The following PRKAA1 variants were observed in gnomAD, a reference collection of about 807,000 sequenced individuals.
The protein encoded by PRKAA1 is 5'-AMP-activated protein kinase catalytic subunit alpha-1.
A neutral mutation model predicts 56.9 loss-of-function variants in PRKAA1; 23 were observed. The observed-to-expected ratio is 0.40, with a 90% confidence interval of 0.29 to 0.57. PRKAA1 has a LOEUF of 0.57. Among genes scored for constraint, PRKAA1 ranks in the 20% least tolerant of loss-of-function variants. The pLI is 0.39. For synonymous variants in PRKAA1, 226 were observed against 227.0 expected (o/e 1.00, Z 0.04); for missense variants, 413 against 679.7 (o/e 0.61, Z 4.36).
intron 1 of PRKAA1, among the ~76,000 whole-genome samples, chr5:40,785,837 CACAGAGAGAGAGAGAGAGAG>C (rs1480470721): frequency 7.2e-4 from 38 of 52,450 alleles, no homozygotes; most frequent in Admixed American, 5.6e-3. Flanking sequence ...CACACACACA[CACAGAGAGAGAGAGAGAGAG>C]AGAGAGAGAG....
intron 1 of PRKAA1, among the ~76,000 whole-genome samples, chr5:40,788,771 G>A (rs1744600023): frequency 6.6e-6 from 1 of 152,072 alleles, no homozygotes; most frequent in Non-Finnish European, 1.5e-5. Flanking sequence ...ACGCTGCAGT[G>A]AGCCAAGATC....
intron 1 of PRKAA1, among the ~76,000 whole-genome samples, chr5:40,797,686 G>C (rs1330340056): frequency 6.6e-5 from 10 of 152,242 alleles, no homozygotes; most frequent in Admixed American, 5.9e-4. Context: ...GCACAACCCG[G>C]GCGCACAAGA....
intron 4 of PRKAA1, among the ~76,000 whole-genome samples, chr5:40,770,448 G>GA: frequency 6.6e-6 from 1 of 151,960 alleles, no homozygotes; most frequent in South Asian, 2.1e-4. Flanking sequence ...GTGACAGAGT[G>GA]AAACTCTGTC....
intron 3 of PRKAA1, among the ~76,000 whole-genome samples, chr5:40,772,885 A>C (rs554539747): frequency 6.6e-6 from 1 of 152,282 alleles, no homozygotes; most frequent in East Asian, 1.9e-4. Context: ...CTACCGCTTC[A>C]GCATCCCAAA....
In PRKAA1 at chr5:40,765,032, C is replaced by A; in HGVS notation, c.1028G>T (p.Arg343Ile). 6.2e-7 allele frequency: 1 copy of A among 1,614,174 alleles called. No individual in the cohort carries two copies. Among genetic ancestry groups the A allele is most frequent in the African/African-American group, 1.3e-5 (1 of 75,042 alleles). The change falls in exon 7 of 9, where the codon AGA becomes ATA. Residue 343 changes from arginine (R) to isoleucine (I), a missense_variant. Transcript: ENST00000397128. Reference sequence around the variant, plus strand: ...GAAATCTTTGGCTTCATTCATTATTCTCCTGTTATCTATTATGAGATGGTA... The same window carrying A: ...GAAATCTTTGGCTTCATTCATTATTATCCTGTTATCTATTATGAGATGGTA... ...VAYHLIIDNRRIMNEAKDFYL... is the reference protein window; with the variant it reads ...VAYHLIIDNRIIMNEAKDFYL...
intron 1 of PRKAA1, 118 bp from the exon 2 acceptor site, chr5:40,777,704 C>A (rs1269671920): frequency 1.5e-5 from 14 of 932,590 alleles, no homozygotes; most frequent in Admixed American, 1.2e-4. Context: ...GAGGCCGAGG[C>A]GAGTAGATCA....
rs1189090656 is a variant in PRKAA1 at position 40,768,479 on chromosome 5, C to A, written c.597-789G>T. ...TTATTCCTAAAAGAATTAAGATAGA[C>A]AACACCATTTTTTTAAAAATTTTTT... is the stretch of plus-strand genomic sequence containing the variant. On this transcript the variant is annotated intron_variant, in intron 5 of 8. Coordinates refer to ENST00000397128, the MANE Select transcript of PRKAA1 (RefSeq NM_006251.6). The A allele has an allele frequency of 5.4e-6, 5 of 928,504 alleles. No homozygotes were observed. The Admixed American group carries it at 3.1e-4, about 57-fold the overall frequency. 57.5% of individuals were successfully genotyped at this position (928,504 alleles called of 1,614,324 possible).
At chr5:40,783,745 C>T (rs555938694) in intron 1 of PRKAA1, among the ~76,000 whole-genome samples, 2 of 151,354 alleles carry the variant, frequency 1.3e-5, no homozygotes, top group East Asian at 1.9e-4. Flanking sequence ...GGCAACAGAG[C>T]GAGACTCCAT....
At position 40,786,569 on chromosome 5, in the gene PRKAA1, C is replaced by G. The variant is rs1744494105; in HGVS notation, c.128-8983G>C. ...AAAGGGGTTCAACCACAGGCTACAT[C>G]AAGCAGAAGAAAAGATTAGTAATTA... On this transcript the variant is annotated intron_variant, in intron 1 of 8. Coordinates refer to ENST00000397128, the MANE Select transcript of PRKAA1 (RefSeq NM_006251.6). Among the ~76,000 whole-genome samples the G allele has an allele frequency of 2.0e-5, 3 of 151,528 alleles. No individual in the cohort carries two copies. In the South Asian group the frequency reaches 6.3e-4, roughly 32 times the overall value.
In PRKAA1 at chr5:40,760,974, G is replaced by A. The variant is rs1455104530; in HGVS notation, c.*1804C>T. On this transcript the variant is annotated 3_prime_UTR_variant, in exon 9 of 9. Coordinates refer to ENST00000397128, the MANE Select transcript of PRKAA1 (RefSeq NM_006251.6). ...ATACACGATACCAATTTTATCTGAG[G>A]TGACTACATCTTCATTTACATCTAT... is the stretch of plus-strand genomic sequence containing the variant. 6.6e-6 allele frequency: 1 copy of A among 152,064 alleles called. No homozygotes were observed. The highest frequency in any genetic ancestry group is 1.5e-5 in the Non-Finnish European group (1 of 67,972). The allele number at this position is 152,064 out of a possible 1,614,324, so 9.4% of individuals were successfully genotyped here. A position where few individuals can be genotyped will look rare whatever the true frequency, so the allele number is the denominator to read the frequency against.
chr5:40,771,259 A>G (rs1027393309), intron 4 of PRKAA1, among the ~76,000 whole-genome samples: 7 of 152,198 alleles, frequency 4.6e-5, no homozygotes, highest in African/African-American at 1.7e-4. Flanking sequence ...TAATCCCAAT[A>G]CTTTGGGAAG....
intron 1 of PRKAA1, 120 bp downstream of exon 1, chr5:40,797,943 A>T: frequency 7.4e-7 from 1 of 1,347,044 alleles, no homozygotes; most frequent in South Asian, 1.2e-5. Context: ...GATCCGGGAC[A>T]GGGGCTGCCC....
rs1743240119 is a variant in PRKAA1, at chr5:40,762,564, A to G, written c.*214T>C. 6 of 575,498 alleles carry G rather than the reference A, an allele frequency of 1.0e-5. No individual in the cohort carries two copies. The highest frequency in any genetic ancestry group is 3.1e-5 in the Admixed American group (1 of 31,920). The allele number at this position is 575,498 out of a possible 1,614,324, so 35.6% of individuals were successfully genotyped here. ...TAATTCACTGTGTATATTATGCTAT[A>G]TACATACTGCACAATGAACAACAAA... On this transcript the variant is annotated 3_prime_UTR_variant, in exon 9 of 9. Coordinates refer to ENST00000397128, the MANE Select transcript of PRKAA1 (RefSeq NM_006251.6).
chr5:40,798,322 C>T lies in PRKAA1; in HGVS notation c.-133G>A, dbSNP rs1474905562. 6.6e-6 allele frequency: 3 copies of T among 455,762 alleles called. No individual in the cohort carries two copies. Among genetic ancestry groups the T allele is most frequent in the East Asian group, 4.5e-5 (1 of 22,100 alleles). 28.2% of individuals were successfully genotyped at this position (455,762 alleles called of 1,614,324 possible). On this transcript the variant is annotated 5_prime_UTR_variant, in exon 1 of 9. Transcript: ENST00000397128. ...CCGCCAGCCCAGGCCCCGCAGCCTA[C>T]GTCGGGCGCAGACGCTCCCCCTGGC...
At chr5:40,766,332 C>G (rs1484784543) in intron 6 of PRKAA1, among the ~76,000 whole-genome samples, 1 of 152,068 alleles carries the variant, frequency 6.6e-6, no homozygotes, top group Non-Finnish European at 1.5e-5. Flanking sequence ...TGATTTCTTT[C>G]TTCCTTCTCA....
Position 40,762,073 on chromosome 5 carries a change from C to A in PRKAA1, c.*705G>T, listed in dbSNP as rs1020369336. ...GGATCACGCGGTCAGGAGTTCGAGA[C>A]CAGCCTGGGCAACATAGTGAAACCC... is the stretch of plus-strand genomic sequence containing the variant. On this transcript the variant is annotated 3_prime_UTR_variant, in exon 9 of 9. Transcript: ENST00000397128. 3 of 152,060 alleles carry A rather than the reference C, an allele frequency of 2.0e-5. No individual in the cohort carries two copies. Among genetic ancestry groups the A allele is most frequent in the Non-Finnish European group, 4.4e-5 (3 of 68,042 alleles). The allele number at this position is 152,060 out of a possible 1,614,324, so 9.4% of individuals were successfully genotyped here.
intron 6 of PRKAA1, 84 bp downstream of exon 6, chr5:40,767,382 A>G: frequency 8.6e-7 from 1 of 1,157,566 alleles, no homozygotes; most frequent in South Asian, 1.5e-5. Context: ...TACACTGTAT[A>G]TTCTGTTCTG....
rs977055007 is a variant in PRKAA1, at chr5:40,770,301, A to C, written c.509-798T>G. 3.3e-5 allele frequency among the ~76,000 whole-genome samples: 5 copies of C among 151,844 alleles called. No homozygotes were observed. The South Asian group carries it at 6.2e-4, about 19-fold the overall frequency. ...AACATAGTGATTCCCCATCTCCACC[A>C]AAAATTAAAAAAAACATAGCTGCAT... is the stretch of plus-strand genomic sequence containing the variant. On this transcript the variant is annotated intron_variant, in intron 4 of 8. Transcript: ENST00000397128.
chr5:40,767,744 T>A (rs1225633659), intron 5 of PRKAA1, 54 bp from the exon 6 acceptor site: 3 of 1,457,124 alleles, frequency 2.1e-6, no homozygotes, highest in Admixed American at 4.1e-5. Flanking sequence ...TAAGATTCAG[T>A]TCATCAAAAA....
Sources: gnomAD v4.1 joint callset for allele counts (sites outside exome capture counted in the v4.1 genomes callset) on GRCh38, gnomAD v4.1.1 for gene constraint, MANE v1.5 for transcripts, NCBI Gene and HGNC (gene_info 2026-07-23, HGNC 2026-07-21) for gene names.